Variants in MDGA2 observed in about 807,000 individuals in gnomAD.
The protein encoded by MDGA2 is MAM domain containing glycosylphosphatidylinositol anchor 2.
In MDGA2, 40 loss-of-function variants were observed where a neutral mutation model predicts 117.8. The ratio of observed to expected loss-of-function variants is 0.34; its 90% CI spans 0.26 to 0.44. The LOEUF (loss-of-function observed/expected upper bound fraction) is 0.44, where lower values mean the gene tolerates loss of function less well. Among genes scored for constraint, MDGA2 ranks in the 20% least tolerant of loss-of-function variants. The pLI is 1.00. For missense variants in MDGA2, 1,123 were observed against 1,250.6 expected (o/e 0.90, Z 1.54); for synonymous variants, 452 against 439.0 (o/e 1.03, Z -0.37).
In MDGA2 at chr14:47,008,425, C is replaced by A. The variant is rs144287845; in HGVS notation, c.1819+26586G>T. 4.4e-3 allele frequency among the ~76,000 whole-genome samples: 667 copies of A among 151,976 alleles called. 6 individuals carry two copies. Among genetic ancestry groups the A allele is most frequent in the African/African-American group, 0.015 (623 of 41,514 alleles). The stretch of plus-strand genomic sequence containing the variant: ...GGCATAAGGCAGTAAGTCTTTGAAA[C>A]CAAATATTCCCTGGACCACCTTGCT... On this transcript the variant is annotated intron_variant, in intron 8 of 16. Transcript: ENST00000399232.
intron 7 of MDGA2, among the ~76,000 whole-genome samples, chr14:47,054,092 G>C (rs1954246): frequency 0.32 from 48,474 of 151,736 alleles, 8,458 homozygotes; most frequent in East Asian, 0.52. Flanking sequence ...GAGAGAGATT[G>C]TGAGTACTAC....
chr14:47,460,504 G>C (rs2138590412), intron 1 of MDGA2, among the ~76,000 whole-genome samples: 1 of 152,148 alleles, frequency 6.6e-6, no homozygotes, highest in East Asian at 1.9e-4. Context: ...ACAGAGAAGA[G>C]AGGGGAAAGA....
chr14:47,558,276 G>A (rs1414228273), intron 1 of MDGA2, among the ~76,000 whole-genome samples: 1 of 152,158 alleles, frequency 6.6e-6, no homozygotes, highest in Non-Finnish European at 1.5e-5. Context: ...TGATAGGGTT[G>A]GGCAGGGGTA....
At chr14:47,030,398 C>T (rs1307829658) in intron 8 of MDGA2, among the ~76,000 whole-genome samples, 1 of 151,778 alleles carries the variant, frequency 6.6e-6, no homozygotes, top group Non-Finnish European at 1.5e-5. Context: ...CCTGTAATCC[C>T]AGCTACTTGG....
intron 5 of MDGA2, among the ~76,000 whole-genome samples, chr14:47,107,780 C>T (rs200649635): frequency 1.4e-5 from 2 of 142,684 alleles, no homozygotes; most frequent in Non-Finnish European, 3.1e-5. Context: ...TAGCCTTTCT[C>T]TCCAAACAAC....
chr14:47,028,423 ACTAT>A (rs1267942730), intron 8 of MDGA2, among the ~76,000 whole-genome samples: 2 of 152,304 alleles, frequency 1.3e-5, no homozygotes, highest in East Asian at 3.9e-4. Context: ...TATTTCCCAA[ACTAT>A]CTATATAGCC....
chr14:47,320,725 C>T (rs137969595), intron 1 of MDGA2, among the ~76,000 whole-genome samples: 33 of 152,158 alleles, frequency 2.2e-4, no homozygotes, highest in African/African-American at 7.5e-4. Context: ...TTTATTGTAC[C>T]TTAAACTTAC....
chr14:47,102,526 G>A (rs1234374571), intron 5 of MDGA2, among the ~76,000 whole-genome samples: 4 of 151,992 alleles, frequency 2.6e-5, no homozygotes, highest in Non-Finnish European at 5.9e-5. Context: ...ATTTGGGCTG[G>A]GATCACAGGA....
chr14:47,196,049 T>C (rs1885278396), intron 3 of MDGA2, among the ~76,000 whole-genome samples: 1 of 151,998 alleles, frequency 6.6e-6, no homozygotes, highest in Non-Finnish European at 1.5e-5. Flanking sequence ...AAGGAAGAGT[T>C]TTCAAAACAA....
chr14:47,466,994 G>A (rs1893618021), intron 1 of MDGA2, among the ~76,000 whole-genome samples: 1 of 152,186 alleles, frequency 6.6e-6, no homozygotes, highest in South Asian at 2.1e-4. Flanking sequence ...AAGTGTTTGA[G>A]ACACACCACC....
At chr14:47,026,958 G>A (rs1362198153) in intron 8 of MDGA2, among the ~76,000 whole-genome samples, 1 of 151,990 alleles carries the variant, frequency 6.6e-6, no homozygotes, top group East Asian at 1.9e-4. Context: ...GGACGCTTGA[G>A]GCCAGGAGTT....
At chr14:47,432,425 T>C (rs180821080) in intron 1 of MDGA2, among the ~76,000 whole-genome samples, 1 of 152,224 alleles carries the variant, frequency 6.6e-6, no homozygotes, top group East Asian at 1.9e-4. Context: ...AATCTGTATA[T>C]TAAAGTTAAT....
intron 1 of MDGA2, among the ~76,000 whole-genome samples, chr14:47,528,031 C>T (rs560477095): frequency 6.6e-6 from 1 of 152,200 alleles, no homozygotes; most frequent in East Asian, 1.9e-4. Context: ...AATAAGACTC[C>T]TTCTTTAGAT....
At chr14:47,009,700 T>A (rs929033025) in intron 8 of MDGA2, among the ~76,000 whole-genome samples, 9 of 152,174 alleles carry the variant, frequency 5.9e-5, no homozygotes, top group Middle Eastern at 3.4e-3. Context: ...TTTCCTCAAT[T>A]GGACATACTT....
intron 1 of MDGA2, among the ~76,000 whole-genome samples, chr14:47,385,255 G>A (rs1248958453): frequency 6.6e-6 from 1 of 151,832 alleles, no homozygotes; most frequent in Non-Finnish European, 1.5e-5. Context: ...CTATGACACT[G>A]ATCGTTTCTG....
chr14:47,048,558 T>C (rs187170100), intron 7 of MDGA2, among the ~76,000 whole-genome samples: 2 of 152,192 alleles, frequency 1.3e-5, no homozygotes, highest in African/African-American at 4.8e-5. Context: ...GTTTTACAAA[T>C]TCCCTAATTA....
chr14:47,093,587 G>A (rs1431543273), intron 6 of MDGA2, among the ~76,000 whole-genome samples: 1 of 152,014 alleles, frequency 6.6e-6, no homozygotes, highest in Non-Finnish European at 1.5e-5. Flanking sequence ...CTCAGACACT[G>A]CAATTTCTTA....
intron 6 of MDGA2, among the ~76,000 whole-genome samples, chr14:47,086,068 G>T: frequency 6.7e-6 from 1 of 148,474 alleles, no homozygotes; most frequent in East Asian, 2.0e-4. Flanking sequence ...TTTAACTACC[G>T]TGATTATGGA....
chr14:46,928,357 G>A (rs967747916), intron 9 of MDGA2, among the ~76,000 whole-genome samples: 1 of 152,016 alleles, frequency 6.6e-6, no homozygotes, highest in African/African-American at 2.4e-5. Flanking sequence ...CAAGCTTTAT[G>A]GAATTTATGG....
Sources: gnomAD v4.1 joint callset for allele counts (sites outside exome capture counted in the v4.1 genomes callset) on GRCh38, gnomAD v4.1.1 for gene constraint, MANE v1.5 for transcripts, NCBI Gene and HGNC (gene_info 2026-07-23, HGNC 2026-07-21) for gene names.